Variants in ADAMTSL1 observed in about 807,000 individuals in gnomAD.
ADAMTSL1 encodes the protein ADAMTS-like protein 1.
A neutral mutation model predicts 201.8 loss-of-function variants in ADAMTSL1; 126 were observed. The observed-to-expected ratio is 0.62, with a 90% confidence interval of 0.54 to 0.72. The LOEUF (loss-of-function observed/expected upper bound fraction) is 0.72. ADAMTSL1 is among the 30% of genes least tolerant of loss of function. The pLI is 0.00. For synonymous variants in ADAMTSL1, 1,121 were observed against 903.4 expected, an observed-to-expected ratio of 1.24 and a Z score of -4.32; for missense variants, 2,679 against 2,277.8, an observed-to-expected ratio of 1.18 and a Z score of -3.59.
chr9:18,498,434 T>G, intron 1 of ADAMTSL1, among the ~76,000 whole-genome samples: 1 of 151,644 alleles, frequency 6.6e-6, no homozygotes, highest in East Asian at 2.0e-4. Flanking sequence ...CCTCCTGGGT[T>G]CAAGCGATTC....
chr9:18,122,627 A>G (rs1825550008), intron 1 of ADAMTSL1, among the ~76,000 whole-genome samples: 1 of 152,164 alleles, frequency 6.6e-6, no homozygotes, highest in African/African-American at 2.4e-5. Context: ...CAAAATTCTG[A>G]TTTTATAATA....
chr9:18,591,733 C>T (rs1450901988), intron 4 of ADAMTSL1, among the ~76,000 whole-genome samples: 1 of 152,084 alleles, frequency 6.6e-6, no homozygotes, highest in Non-Finnish European at 1.5e-5. Context: ...AGAATAGGAG[C>T]CATTACAATC....
chr9:18,149,633 C>A lies in ADAMTSL1; in HGVS notation c.88-14229C>A, dbSNP rs1260575338. ...AGATTCCCCATTGACATATGTACAT[C>A]AAAATCTGAGAAACACTGCATGTAG... On this transcript the variant is annotated intron_variant, in intron 1 of 29. Coordinates refer to the ADAMTSL1 transcript ENST00000680146. Among the ~76,000 whole-genome samples, 3 of 152,096 alleles carry A rather than the reference C, an allele frequency of 2.0e-5. No homozygotes were observed. In the East Asian group the frequency reaches 5.8e-4, roughly 30 times the overall value.
intron 1 of ADAMTSL1, among the ~76,000 whole-genome samples, chr9:18,032,786 C>G (rs1469787956): frequency 6.6e-6 from 1 of 152,218 alleles, no homozygotes; most frequent in Non-Finnish European, 1.5e-5. Flanking sequence ...GCCAGAATCA[C>G]AGAAGTCTGT....
At chr9:18,598,721 T>C (rs1824431320) in intron 4 of ADAMTSL1, among the ~76,000 whole-genome samples, 1 of 152,178 alleles carries the variant, frequency 6.6e-6, no homozygotes. Context: ...CCACTGCACC[T>C]GCACACCATA....
At chr9:18,706,571 G>C in intron 13 of ADAMTSL1, 176 bp from the exon 14 acceptor site, 1 of 619,824 alleles carries the variant, frequency 1.6e-6, no homozygotes, top group East Asian at 2.8e-5. Context: ...AGAAACAGTG[G>C]CAAAATCGCT....
chr9:17,971,958 C>G (rs904426988), intron 1 of ADAMTSL1, among the ~76,000 whole-genome samples: 10 of 151,360 alleles, frequency 6.6e-5, no homozygotes. Flanking sequence ...TTTTTATTTA[C>G]TTTTTCTGGC....
intron 13 of ADAMTSL1, among the ~76,000 whole-genome samples, chr9:18,697,379 T>A (rs1444589110): frequency 6.6e-6 from 1 of 152,228 alleles, no homozygotes; most frequent in African/African-American, 2.4e-5. Context: ...GGGAAACTTC[T>A]ATCTCTATGG....
chr9:18,150,854 C>G (rs867427996), intron 1 of ADAMTSL1, among the ~76,000 whole-genome samples: 1 of 151,422 alleles, frequency 6.6e-6, no homozygotes, highest in South Asian at 2.1e-4. Flanking sequence ...TTCAGGGGCA[C>G]AGAAGTTTGG....
chr9:18,871,593 T>C (rs551308720), intron 23 of ADAMTSL1, among the ~76,000 whole-genome samples: 5 of 152,288 alleles, frequency 3.3e-5, no homozygotes, highest in Admixed American at 3.3e-4. Context: ...CATCTTGGGG[T>C]TCCATCACAA....
At chr9:18,052,505 A>G (rs543389845) in intron 1 of ADAMTSL1, among the ~76,000 whole-genome samples, 8 of 152,262 alleles carry the variant, frequency 5.3e-5, no homozygotes, top group African/African-American at 1.7e-4. Context: ...ATTTGCTGCT[A>G]TTAAGAGATT....
At chr9:17,913,708 C>T (rs1322152508) in intron 1 of ADAMTSL1, among the ~76,000 whole-genome samples, 2 of 152,100 alleles carry the variant, frequency 1.3e-5, no homozygotes, top group East Asian at 3.9e-4. Context: ...ACAAAAAACC[C>T]TTCAAAAAAC....
intron 23 of ADAMTSL1, among the ~76,000 whole-genome samples, chr9:18,872,246 A>G (rs1467681244): frequency 6.6e-6 from 1 of 152,206 alleles, no homozygotes; most frequent in Non-Finnish European, 1.5e-5. Flanking sequence ...TTACAGAGCA[A>G]TCATAGAGGT....
intron 1 of ADAMTSL1, among the ~76,000 whole-genome samples, chr9:17,960,752 A>T (rs1817718314): frequency 6.6e-6 from 1 of 152,154 alleles, no homozygotes; most frequent in Admixed American, 6.5e-5. Flanking sequence ...ATTTCATCTC[A>T]TCACTGCCTG....
chr9:18,585,825 A>C (rs1338781060), intron 4 of ADAMTSL1, among the ~76,000 whole-genome samples: 1 of 152,216 alleles, frequency 6.6e-6, no homozygotes, highest in African/African-American at 2.4e-5. Context: ...AATGTTATTC[A>C]TCACATAAAT....
intron 2 of ADAMTSL1, among the ~76,000 whole-genome samples, chr9:18,325,757 T>C (rs76264705): frequency 6.6e-6 from 1 of 151,950 alleles, no homozygotes. Flanking sequence ...TTTTTTTTTT[T>C]TGAAACAGAG....
chr9:18,745,665 T>A (rs1292246727), intron 15 of ADAMTSL1, among the ~76,000 whole-genome samples: 1 of 152,230 alleles, frequency 6.6e-6, no homozygotes, highest in East Asian at 1.9e-4. Flanking sequence ...CATATATGTA[T>A]AGTTGTATAT....
chr9:18,486,576 G>A lies in ADAMTSL1; in HGVS notation c.63+12281G>A, dbSNP rs148059482. 2.1e-3 allele frequency among the ~76,000 whole-genome samples: 317 copies of A among 152,184 alleles called. 3 individuals are homozygous for A. The highest frequency in any genetic ancestry group is 7.0e-3 in the African/African-American group (292 of 41,514). On this transcript the variant is annotated intron_variant, in intron 1 of 28. Coordinates refer to ENST00000380548, the MANE Select transcript of ADAMTSL1 (RefSeq NM_001040272.6). ...AAAAATTGGACAGGCATGGTAGTGC[G>A]TGCCTGTAGTCCTAGCTACTCAGGA...
intron 1 of ADAMTSL1, among the ~76,000 whole-genome samples, chr9:18,490,880 T>G (rs977092954): frequency 2.6e-5 from 4 of 151,798 alleles, no homozygotes; most frequent in Non-Finnish European, 5.9e-5. Flanking sequence ...TTCGGGAGTA[T>G]TGGGGAAGTG....
Sources: allele counts gnomAD v4.1 joint callset (sites outside exome capture counted in the v4.1 genomes callset), GRCh38; gene constraint gnomAD v4.1.1; transcripts MANE v1.5; gene names NCBI Gene and HGNC (gene_info 2026-07-23, HGNC 2026-07-21).